The following MTMR14 variants were observed in gnomAD, a reference collection of about 807,000 sequenced individuals.
MTMR14 encodes myotubularin related protein 14.
MTMR14 carries 48 observed loss-of-function variants against 86.3 expected under a neutral mutation model. That is an observed-to-expected ratio of 0.56 (90% CI 0.44 to 0.71). The LOEUF (loss-of-function observed/expected upper bound fraction) is 0.71, where lower values mean the gene tolerates loss of function less well. Ranked by LOEUF, MTMR14 falls within the 30% of genes least tolerant of loss-of-function variation. The probability of loss-of-function intolerance (pLI) is 0.00; values close to 1 mark genes in which losing one functional copy is unlikely to be tolerated. For missense variants in MTMR14, 780 were observed against 834.6 expected (o/e 0.93, Z 0.81); for synonymous variants, 366 against 326.1 (o/e 1.12, Z -1.32).
chr3:9,691,422 C>CA (rs2076137410), intron 17 of MTMR14, among the ~76,000 whole-genome samples: 1 of 152,248 alleles, frequency 6.6e-6, no homozygotes, highest in African/African-American at 2.4e-5. Context: ...TCTGAGGCTG[C>CA]AGTGGCACTG....
At chr3:9,685,364 TGGCCCCCTGTCATCTCC>T (rs2075906246) in intron 13 of MTMR14, 117 bp downstream of exon 13, 2 of 1,268,804 alleles carry the variant, frequency 1.6e-6, no homozygotes, top group Non-Finnish European at 2.3e-6. Context: ...TGCAGGGATG[TGGCCCCCTGTCATCTCC>T]TCCTGAGGCA....
At chr3:9,682,667 T>TA (rs2075806295) in intron 9 of MTMR14, among the ~76,000 whole-genome samples, 2 of 152,334 alleles carry the variant, frequency 1.3e-5, no homozygotes, top group African/African-American at 4.8e-5. Context: ...TAGTATGCAG[T>TA]AAATAGCACT....
At chr3:9,661,503 TG>T (rs1304727949) in intron 2 of MTMR14, among the ~76,000 whole-genome samples, 1 of 152,170 alleles carries the variant, frequency 6.6e-6, no homozygotes, top group Non-Finnish European at 1.5e-5. Flanking sequence ...CGTACTGATC[TG>T]GGGCTCAGGG....
At chr3:9,681,019 C>T (rs535461627) in intron 9 of MTMR14, among the ~76,000 whole-genome samples, 1 of 152,202 alleles carries the variant, frequency 6.6e-6, no homozygotes, top group Non-Finnish European at 1.5e-5. Flanking sequence ...CATATGGTTA[C>T]ACAGCATCCT....
intron 3 of MTMR14, among the ~76,000 whole-genome samples, chr3:9,668,376 C>T (rs2048371210): frequency 6.6e-6 from 1 of 152,220 alleles, no homozygotes; most frequent in Non-Finnish European, 1.5e-5. Flanking sequence ...CCACCTGCCA[C>T]ATATCCCTCA....
intron 2 of MTMR14, among the ~76,000 whole-genome samples, chr3:9,658,331 C>G (rs190225752): frequency 2.0e-5 from 3 of 152,302 alleles, no homozygotes; most frequent in Non-Finnish European, 4.4e-5. Context: ...AGGAACCTCT[C>G]CAATTTGGTT....
intron 13 of MTMR14, among the ~76,000 whole-genome samples, chr3:9,687,410 C>T (rs776307285): frequency 6.6e-6 from 1 of 152,062 alleles, no homozygotes; most frequent in Non-Finnish European, 1.5e-5. Flanking sequence ...GAACAATGAG[C>T]TGGGCATGGT....
chr3:9,701,559 C>T lies in MTMR14; in HGVS notation c.1770-231C>T. 3.4e-6 allele frequency: 2 copies of T among 588,176 alleles called. No individual in the cohort carries two copies. The highest frequency in any genetic ancestry group is 3.8e-5 in the African/African-American group (2 of 53,192). 36.4% of individuals were successfully genotyped at this position (588,176 alleles called of 1,614,324 possible). A position where few individuals can be genotyped will look rare whatever the true frequency, so the allele number is the denominator to read the frequency against. On this transcript the variant is annotated intron_variant, in intron 18 of 18. Transcript: ENST00000296003. The surrounding 1 kb of genome is among the most constrained non-coding windows in gnomAD (Gnocchi z 4.2). ...AAAAAGGTTAGTGTCCCAGTAAAAG[C>T]TCCTGCTCTAGGTGGGAACAGTAGC...
intron 1 of MTMR14, chr3:9,650,447 T>C (rs1279779001): frequency 4.4e-6 from 2 of 451,268 alleles, no homozygotes; most frequent in East Asian, 7.0e-5. Context: ...CCACGTGGTT[T>C]TGGCAGCTTT....
Position 9,702,048 on chromosome 3 carries a change from C to T in MTMR14, c.*75C>T, listed in dbSNP as rs963430610. The T allele has an allele frequency of 7.0e-6, 11 of 1,581,118 alleles. No individual in the cohort carries two copies. The highest frequency in any genetic ancestry group is 4.5e-5 in the East Asian group (2 of 44,744). On this transcript the variant is annotated 3_prime_UTR_variant, in exon 19 of 19. Transcript: ENST00000296003. ...GCAGAGAATCAAAGCCATGCCTGGC[C>T]GAAGGGGTACTTCCAGGTCAGGGGA...
chr3:9,666,413 G>A (rs1329450323), intron 3 of MTMR14, among the ~76,000 whole-genome samples: 1 of 151,978 alleles, frequency 6.6e-6, no homozygotes, highest in Non-Finnish European at 1.5e-5. Flanking sequence ...GATTACAGGC[G>A]TGAGCCACCA....
rs949952239 is a variant in MTMR14, at chr3:9,677,816, C to G, written c.823-168C>G. ...AAAACTCCTACTCAGCTATACTGAT[C>G]TGGTCACATTGATTTTTAAGCTGTC... On this transcript the variant is annotated intron_variant, in intron 8 of 18. Coordinates refer to ENST00000296003, the MANE Select transcript of MTMR14 (RefSeq NM_001077525.3). This position sits in a 1 kb window ranked among gnomAD's most constrained non-coding sequence, Gnocchi z 4.2. Among the ~76,000 whole-genome samples the G allele has an allele frequency of 2.0e-5, 3 of 152,190 alleles. No individual in the cohort carries two copies. Among genetic ancestry groups the G allele is most frequent in the Admixed American group, 2.0e-4 (3 of 15,276 alleles).
intron 17 of MTMR14, among the ~76,000 whole-genome samples, chr3:9,695,434 C>T (rs373278912): frequency 6.6e-6 from 1 of 152,214 alleles, no homozygotes; most frequent in Admixed American, 6.5e-5. Flanking sequence ...AGAGATGCTT[C>T]TGTCCCCTGG....
intron 9 of MTMR14, among the ~76,000 whole-genome samples, chr3:9,680,709 C>T (rs868372195): frequency 3.3e-5 from 5 of 152,164 alleles, no homozygotes; most frequent in Middle Eastern, 3.2e-3. Context: ...TGGTGGCGGG[C>T]GCCTGTAGTG....
chr3:9,690,078 T>C lies in MTMR14; in HGVS notation c.1548T>C (p.Ser516=), dbSNP rs918465886. ...GLAEARSSSS[S]SSNHSDNFFR... ...CGGAAGCCAGGTCTTCCAGCTCCTC[T>C]TCCTCAAACCATTCTGATAACTTTT... The change falls in exon 17 of 19, where the codon TCT becomes TCC. Residue 516 remains serine, a synonymous_variant. Coordinates refer to ENST00000296003, the MANE Select transcript of MTMR14 (RefSeq NM_001077525.3). The C allele has an allele frequency of 4.3e-6, 7 of 1,613,474 alleles. No homozygotes were observed. Among genetic ancestry groups the C allele is most frequent in the Admixed American group, 1.7e-5 (1 of 60,006 alleles).
chr3:9,672,431 A>G (rs536607059), intron 6 of MTMR14, among the ~76,000 whole-genome samples: 216 of 152,052 alleles, frequency 1.4e-3, no homozygotes, highest in Non-Finnish European at 2.6e-3. Flanking sequence ...GATAGAGACA[A>G]TGTTTCACCA....
chr3:9,668,083 A>T (rs2048354855), intron 3 of MTMR14, among the ~76,000 whole-genome samples: 1 of 152,188 alleles, frequency 6.6e-6, no homozygotes, highest in Non-Finnish European at 1.5e-5. Flanking sequence ...TTACAATTAG[A>T]TATTGAGGTT....
chr3:9,662,548 C>G (rs1328864924), intron 3 of MTMR14, among the ~76,000 whole-genome samples, 173 bp downstream of exon 3: 1 of 152,030 alleles, frequency 6.6e-6, no homozygotes, highest in African/African-American at 2.4e-5. Flanking sequence ...AAGGATGGTT[C>G]TAGGTAGAGA....
chr3:9,697,720 C>G lies in MTMR14; in HGVS notation c.1623C>G (p.Asp541Glu). The change falls in exon 18 of 19, where the codon GAC (aspartate) becomes GAG (glutamate). Residue 541 changes from aspartate (D) to glutamate (E), a missense_variant. Asp to Glu is a conservative substitution (Grantham distance 45). Transcript: ENST00000296003. Reference sequence around the variant, plus strand: ...CTCCTCTCTGCCCCAGATCAGTGGACCATCCCCTGCCCGGATCCTCTCTCT... The same window carrying G: ...CTCCTCTCTGCCCCAGATCAGTGGAGCATCCCCTGCCCGGATCCTCTCTCT... ...PLEVPKPRSV[D>E]HPLPGSSLST... 1 of 1,614,048 alleles carries G rather than the reference C, an allele frequency of 6.2e-7. No homozygotes were observed. The highest frequency in any genetic ancestry group is 8.5e-7 in the Non-Finnish European group (1 of 1,180,000).
Sources: allele counts gnomAD v4.1 joint callset (sites outside exome capture counted in the v4.1 genomes callset), GRCh38; gene constraint gnomAD v4.1.1; non-coding constraint Gnocchi (gnomAD v3.1); transcripts MANE v1.5; gene names NCBI Gene and HGNC (gene_info 2026-07-23, HGNC 2026-07-21).